ZNF236: variants seen among roughly 807,000 people sequenced by gnomAD.
ZNF236 encodes regulated by glucose.
In ZNF236, 50 loss-of-function variants were observed where a neutral mutation model predicts 191.2. The ratio of observed to expected loss-of-function variants is 0.26; its 90% CI spans 0.21 to 0.33. The LOEUF (loss-of-function observed/expected upper bound fraction) is 0.33, where lower values mean the gene tolerates loss of function less well. ZNF236 is among the 10% of genes least tolerant of loss of function. The pLI is 1.00. For missense variants in ZNF236, 1,754 were observed against 2,374.5 expected, an observed-to-expected ratio of 0.74 and a Z score of 5.43; for synonymous variants, 907 against 928.8, an observed-to-expected ratio of 0.98 and a Z score of 0.43.
intron 27 of ZNF236, among the ~76,000 whole-genome samples, chr18:76,952,125 G>A (rs540671490): frequency 1.9e-4 from 29 of 152,222 alleles, no homozygotes; most frequent in African/African-American, 6.5e-4. Flanking sequence ...ACACACACAC[G>A]AACTGAGCAT....
chr18:76,904,830 TTTAGA>T (rs1203449945), intron 12 of ZNF236, among the ~76,000 whole-genome samples: 8 of 152,214 alleles, frequency 5.3e-5, no homozygotes, highest in Non-Finnish European at 1.2e-4. Flanking sequence ...TATTTATCAG[TTTAGA>T]TTAATTCTTA....
At chr18:76,926,050 C>G (rs1387289865) in intron 22 of ZNF236, among the ~76,000 whole-genome samples, 1 of 152,164 alleles carries the variant, frequency 6.6e-6, no homozygotes, top group Non-Finnish European at 1.5e-5. Flanking sequence ...GTTTCTGTGA[C>G]TCGTGGCAGG....
intron 25 of ZNF236, among the ~76,000 whole-genome samples, chr18:76,933,657 G>A (rs1055076615): frequency 2.6e-5 from 4 of 151,976 alleles, no homozygotes; most frequent in African/African-American, 4.8e-5. Flanking sequence ...ATGTGATATC[G>A]GCTATTCTTA....
At chr18:76,959,906 G>A in intron 29 of ZNF236, 90 bp downstream of exon 29, 5 of 1,430,578 alleles carry the variant, frequency 3.5e-6, no homozygotes, top group Non-Finnish European at 4.7e-6. Context: ...CAATATTCAC[G>A]AGCGATGGAA....
Position 76,920,463 on chromosome 18 carries a change from A to AT in ZNF236, c.3557+406dup, listed in dbSNP as rs1967502964. On this transcript the variant is annotated intron_variant, in intron 20 of 30. Coordinates refer to ENST00000320610, the MANE Select transcript of ZNF236 (RefSeq NM_001306089.2). The stretch of plus-strand genomic sequence containing the variant: ...CTACTCGGGAGCCTGAGACAGGAGA[A>AT]TCGCTTGAACCTGAGAGGTGGAGGT... Among the ~76,000 whole-genome samples, 5 of 151,764 alleles carry AT rather than the reference A, an allele frequency of 3.3e-5. No homozygotes were observed. The South Asian group carries it at 1.0e-3, about 32-fold the overall frequency.
intron 11 of ZNF236, among the ~76,000 whole-genome samples, chr18:76,902,800 A>G (rs1048637694): frequency 6.7e-6 from 1 of 148,152 alleles, no homozygotes; most frequent in African/African-American, 2.4e-5. Flanking sequence ...CATGTTGGCC[A>G]GGCTGATCTC....
At chr18:76,933,546 A>G (rs1252549937) in intron 25 of ZNF236, among the ~76,000 whole-genome samples, 5 of 151,788 alleles carry the variant, frequency 3.3e-5, no homozygotes, top group Non-Finnish European at 7.4e-5. Context: ...ACTTTAGCTT[A>G]TATCCCACTT....
At chr18:76,860,741 G>A (rs1175576111) in intron 3 of ZNF236, among the ~76,000 whole-genome samples, 3 of 152,190 alleles carry the variant, frequency 2.0e-5, no homozygotes, top group African/African-American at 4.8e-5. Context: ...ACATTCCTTC[G>A]CTTCTGACTC....
chr18:76,913,925 T>C (rs761883264), intron 18 of ZNF236, 27 bp downstream of exon 18: 2 of 1,611,100 alleles, frequency 1.2e-6, no homozygotes, highest in Non-Finnish European at 1.7e-6. Context: ...TACTTGGAGA[T>C]TAGTCCTTTA....
chr18:76,927,392 C>A lies in ZNF236; in HGVS notation c.4289C>A (p.Thr1430Lys). Residue 1430 changes from threonine (T) to lysine (K), a missense_variant, in exon 24 of 31, where the codon ACG becomes AAG. Coordinates refer to ENST00000320610, the MANE Select transcript of ZNF236 (RefSeq NM_001306089.2). The surrounding 1 kb of genome is among the most constrained non-coding windows in gnomAD (Gnocchi z 5.4). ...AGCTCTCTCCAGACATCGGACAGCA[C>A]GGTCCCTGCCAGTGTTGTCATCCAG... is the stretch of plus-strand genomic sequence containing the variant. ...QNSSLQTSDS[T>K]VPASVVIQPI... 6.2e-7 allele frequency: 1 copy of A among 1,614,214 alleles called. No individual in the cohort carries two copies. The highest frequency in any genetic ancestry group is 1.1e-5 in the South Asian group (1 of 91,082).
At chr18:76,947,394 T>G (rs1968288596) in intron 26 of ZNF236, 127 bp from the exon 27 acceptor site, 1 of 1,159,838 alleles carries the variant, frequency 8.6e-7, no homozygotes, top group African/African-American at 1.5e-5. Context: ...ACATGGTGAC[T>G]CCACGGTTCA....
rs367902950 is a variant in ZNF236, at chr18:76,848,115, A to G, written c.56-1411A>G. ...CTTTTGGAATCTCCAGGTCCTTGCT[A>G]CAAGGCAGATTCAACTTTCAGCCAG... is the stretch of plus-strand genomic sequence containing the variant. On this transcript the variant is annotated intron_variant, in intron 1 of 30. Transcript: ENST00000320610. Among the ~76,000 whole-genome samples, 47 of 152,296 alleles carry G rather than the reference A, an allele frequency of 3.1e-4. 3 individuals carry two copies. In the South Asian group the frequency reaches 8.7e-3, roughly 28 times the overall value.
At chr18:76,930,660 C>T (rs747611552) in intron 25 of ZNF236, among the ~76,000 whole-genome samples, 6 of 152,238 alleles carry the variant, frequency 3.9e-5, no homozygotes, top group African/African-American at 9.6e-5. Flanking sequence ...ATCGTGGGCT[C>T]GGCAAGCCTG....
At chr18:76,953,981 G>A (rs1273771990) in intron 27 of ZNF236, among the ~76,000 whole-genome samples, 1 of 152,170 alleles carries the variant, frequency 6.6e-6, no homozygotes, top group Non-Finnish European at 1.5e-5. Flanking sequence ...GCTGTGGGAA[G>A]CACATTATTT....
intron 3 of ZNF236, among the ~76,000 whole-genome samples, chr18:76,864,534 C>A (rs1976346953): frequency 6.6e-6 from 1 of 152,012 alleles, no homozygotes; most frequent in Non-Finnish European, 1.5e-5. Context: ...CACACACGCA[C>A]ATGTGTTTGT....
Position 76,915,957 on chromosome 18 carries a change from A to G in ZNF236, c.3274+98A>G, listed in dbSNP as rs1233878353. 4.4e-6 allele frequency: 5 copies of G among 1,132,218 alleles called. No homozygotes were observed. The Admixed American group carries it at 6.7e-5, about 15-fold the overall frequency. 70.1% of individuals were successfully genotyped at this position (1,132,218 alleles called of 1,614,324 possible). A position where few individuals can be genotyped will look rare whatever the true frequency, so the allele number is the denominator to read the frequency against. On this transcript the variant is annotated intron_variant, in intron 19 of 30. Transcript: ENST00000320610. Reference sequence around the variant, plus strand: ...CGTGAGTATTTTGACGTGGCTATATATAGATTAGTTCAGTAGCACCCTGAG... The same window carrying G: ...CGTGAGTATTTTGACGTGGCTATATGTAGATTAGTTCAGTAGCACCCTGAG...
chr18:76,953,168 T>C (rs1379273771), intron 27 of ZNF236, among the ~76,000 whole-genome samples: 2 of 152,230 alleles, frequency 1.3e-5, no homozygotes, highest in African/African-American at 4.8e-5. Context: ...CAGCCTGTCT[T>C]TACTAAAACG....
At chr18:76,837,127 T>TCCCCCCCCCCC (rs57114708) in intron 1 of ZNF236, among the ~76,000 whole-genome samples, 1 of 37,064 alleles carries the variant, frequency 2.7e-5, no homozygotes. Context: ...CCGCACCCCC[T>TCCCCCCCCCCC]CCCCCCCCCC....
intron 6 of ZNF236, among the ~76,000 whole-genome samples, chr18:76,877,319 G>A (rs1160868560): frequency 6.6e-6 from 1 of 152,150 alleles, no homozygotes; most frequent in East Asian, 1.9e-4. Context: ...GACCAGCCTG[G>A]CCAACATGGC....
Sources: allele counts gnomAD v4.1 joint callset (sites outside exome capture counted in the v4.1 genomes callset), GRCh38; gene constraint gnomAD v4.1.1; non-coding constraint Gnocchi (gnomAD v3.1); transcripts MANE v1.5; gene names NCBI Gene and HGNC (gene_info 2026-07-23, HGNC 2026-07-21).